ZNF454: variants seen among roughly 807,000 people sequenced by gnomAD.
The protein encoded by ZNF454 is zinc finger protein 454.
ZNF454 carries 30 observed loss-of-function variants against 48.2 expected under a neutral mutation model. That is an observed-to-expected ratio of 0.62 (90% CI 0.47 to 0.84). ZNF454 has a LOEUF of 0.84. Ranked by LOEUF, ZNF454 falls within the 40% of genes least tolerant of loss-of-function variation. The pLI is 0.00. For synonymous variants in ZNF454, 204 were observed against 211.4 expected (o/e 0.97, Z 0.30); for missense variants, 510 against 623.1 (o/e 0.82, Z 1.93).
rs1197343136 is a variant in ZNF454 at position 178,965,739 on chromosome 5, T to A, written c.1335T>A (p.Cys445Ter). Reference sequence around the variant, plus strand: ...AAAAACCTTATACATGTAACATATGTGAAAAAGCCTTCAGTGACCATTCAG... The same window carrying A: ...AAAAACCTTATACATGTAACATATGAGAAAAAGCCTTCAGTGACCATTCAG... The part of the protein sequence containing the change: ...TGEKPYTCNI[C>*]EKAFSDHSAL... The change falls in exon 5 of 5, where the codon TGT (cysteine) becomes TGA (stop). Residue 445 changes from cysteine (C) to a stop codon, truncating the protein, a stop_gained. Transcript: ENST00000519564. LOFTEE classifies it high-confidence loss of function. The surrounding 1 kb of genome is among the most constrained non-coding windows in gnomAD (Gnocchi z 5.2). 6.2e-7 allele frequency: 1 copy of A among 1,614,030 alleles called. No homozygotes were observed.
the ZNF454 span, chr5:178,982,865 G>T: frequency 7.2e-7 from 1 of 1,380,054 alleles, no homozygotes; most frequent in Non-Finnish European, 1.0e-6. Flanking sequence ...CGACCAGCCT[G>T]ACAGGCAGGA....
the ZNF454 span, among the ~76,000 whole-genome samples, chr5:178,984,284 G>A: frequency 5.8e-5 from 6 of 104,302 alleles, no homozygotes; most frequent in Admixed American, 2.1e-4. Flanking sequence ...AGTGGGGAGC[G>A]AGCGAGCACG....
the ZNF454 span, among the ~76,000 whole-genome samples, chr5:178,982,529 A>G: frequency 7.5e-5 from 11 of 145,974 alleles, no homozygotes; most frequent in African/African-American, 2.5e-4. Flanking sequence ...GTGAGCCAAG[A>G]TCACGCCACT....
At chr5:178,963,668 T>C (rs1211955812) in intron 4 of ZNF454, among the ~76,000 whole-genome samples, 2 of 151,780 alleles carry the variant, frequency 1.3e-5, no homozygotes, top group African/African-American at 4.8e-5. Flanking sequence ...GCGTTTATCC[T>C]GAGATAACTT....
At chr5:178,983,518 T>G in the ZNF454 span, 27,747 of 605,960 alleles carry the variant, frequency 0.046, 1,026 homozygotes, top group East Asian at 0.15. Context: ...GGCAGCTTGG[T>G]GTCCTCTTCC....
At chr5:178,973,004 A>C in the ZNF454 span, among the ~76,000 whole-genome samples, 2 of 151,688 alleles carry the variant, frequency 1.3e-5, no homozygotes, top group South Asian at 2.1e-4. Flanking sequence ...TAAAAAAAAA[A>C]AAAAACCCAG....
At chr5:178,948,123 C>G (rs1759409868) in intron 4 of ZNF454, 1 of 152,034 alleles carries the variant, frequency 6.6e-6, no homozygotes, top group African/African-American at 2.4e-5. Flanking sequence ...CCATGTTGGC[C>G]AGCATGGTGT....
chr5:178,951,469 G>A (rs1759554858), intron 4 of ZNF454, among the ~76,000 whole-genome samples: 1 of 152,136 alleles, frequency 6.6e-6, no homozygotes, highest in Non-Finnish European at 1.5e-5. Flanking sequence ...GCTTCTCTTT[G>A]TGGGTTTGCC....
At chr5:178,968,765 G>A (rs1426987936), downstream of ZNF454, 3 of 456,606 alleles carry the variant, frequency 6.6e-6, no homozygotes, top group African/African-American at 6.0e-5. Context: ...AAGCTGAGTT[G>A]GTTGGTGGTT....
Position 178,941,536 on chromosome 5 carries a change from T to C in ZNF454, c.-108+92T>C, listed in dbSNP as rs529819018. ...AGTCTGTGAGTGCCTGTGGAGGAGATGGAGCCAGGGCCTCTGGCATGTGTC... is the reference window on the plus strand; with the variant it reads ...AGTCTGTGAGTGCCTGTGGAGGAGACGGAGCCAGGGCCTCTGGCATGTGTC... On this transcript the variant is annotated intron_variant, in intron 1 of 4. Coordinates refer to ENST00000519564, the MANE Select transcript of ZNF454 (RefSeq NM_001178089.3). This position sits in a 1 kb window ranked among gnomAD's most constrained non-coding sequence, Gnocchi z 5.5. 31 of 456,004 alleles carry C rather than the reference T, an allele frequency of 6.8e-5. No individual in the cohort carries two copies. The highest frequency in any genetic ancestry group is 1.9e-4 in the Admixed American group (8 of 42,560). The allele number at this position is 456,004 out of a possible 1,614,324, so 28.2% of individuals were successfully genotyped here.
chr5:178,954,151 G>A (rs1157460121), intron 4 of ZNF454, among the ~76,000 whole-genome samples: 3 of 152,000 alleles, frequency 2.0e-5, no homozygotes, highest in Non-Finnish European at 2.9e-5. Flanking sequence ...CCAGCTACTC[G>A]GAAGACTGAG....
At chr5:178,983,177 G>T in the ZNF454 span, 4 of 1,613,572 alleles carry the variant, frequency 2.5e-6, no homozygotes, top group East Asian at 2.2e-5. Flanking sequence ...AGTCAATCAC[G>T]CTGTGTGGGG....
the ZNF454 span, chr5:178,986,463 G>A: frequency 4.8e-4 from 782 of 1,612,596 alleles, 2 homozygotes; most frequent in Admixed American, 5.2e-4. Context: ...TAGTGGCCAC[G>A]ATGCCCAGCA....
downstream of ZNF454, chr5:178,969,004 G>A (rs1196664542): frequency 2.3e-5 from 9 of 388,740 alleles, no homozygotes; most frequent in Admixed American, 1.2e-4. Flanking sequence ...TCAGTCCTCC[G>A]AGATGCCTGT....
chr5:178,974,508 C>CG, the ZNF454 span, among the ~76,000 whole-genome samples: 3 of 152,086 alleles, frequency 2.0e-5, no homozygotes, highest in Non-Finnish European at 4.4e-5. Flanking sequence ...TTAGTAGAGA[C>CG]GGGGTTTCAC....
At chr5:178,950,279 A>G (rs1759500057) in intron 4 of ZNF454, among the ~76,000 whole-genome samples, 1 of 152,198 alleles carries the variant, frequency 6.6e-6, no homozygotes, top group Non-Finnish European at 1.5e-5. Context: ...GAAAGCTGAC[A>G]TTTGAGCACC....
rs2113158937 is a variant in ZNF454, at chr5:178,941,697, GAC to G, written c.-108+254_-108+255del. On this transcript the variant is annotated intron_variant, in intron 1 of 4. Coordinates refer to ENST00000519564, the MANE Select transcript of ZNF454 (RefSeq NM_001178089.3). This position sits in a 1 kb window ranked among gnomAD's most constrained non-coding sequence, Gnocchi z 5.5. ...GCAGCCCCTGCCACAGCCCCCGAGG[GAC>G]CTGGCGAAGCGGCAGGGGCGGGACG... Among the ~76,000 whole-genome samples, 1 of 152,198 alleles carries G rather than the reference GAC, an allele frequency of 6.6e-6. No homozygotes were observed. The highest frequency in any genetic ancestry group is 2.4e-5 in the African/African-American group (1 of 41,494).
chr5:178,969,107 G>A (rs1294311887), downstream of ZNF454, among the ~76,000 whole-genome samples: 1 of 152,102 alleles, frequency 6.6e-6, no homozygotes. Context: ...ACTAGTACTT[G>A]GCCAGGCAGT....
chr5:178,963,921 T>G (rs1760067639), intron 4 of ZNF454, among the ~76,000 whole-genome samples: 1 of 151,806 alleles, frequency 6.6e-6, no homozygotes, highest in Non-Finnish European at 1.5e-5. Context: ...TGTCGACTAC[T>G]ATTTTCAGCA....
Sources: allele counts gnomAD v4.1 joint callset (sites outside exome capture counted in the v4.1 genomes callset), GRCh38; gene constraint gnomAD v4.1.1; non-coding constraint Gnocchi (gnomAD v3.1); transcripts MANE v1.5; gene names NCBI Gene and HGNC (gene_info 2026-07-23, HGNC 2026-07-21).